The following SPOPL variants were observed in gnomAD, a reference collection of about 807,000 sequenced individuals.
SPOPL encodes the protein speckle-type POZ protein-like.
SPOPL carries 23 observed loss-of-function variants against 53.8 expected under a neutral mutation model. The ratio of observed to expected loss-of-function variants is 0.43; its 90% CI spans 0.31 to 0.61. The LOEUF is 0.61. Ranked by LOEUF, SPOPL falls within the 20% of genes least tolerant of loss-of-function variation. The pLI is 0.12. For missense variants in SPOPL, 442 were observed against 466.9 expected, an observed-to-expected ratio of 0.95 and a Z score of 0.49; for synonymous variants, 164 against 149.7, an observed-to-expected ratio of 1.10 and a Z score of -0.70.
intron 5 of SPOPL, among the ~76,000 whole-genome samples, chr2:138,553,161 T>C (rs1164822394): frequency 1.3e-5 from 2 of 152,060 alleles, no homozygotes. Flanking sequence ...TTCTAAGAAA[T>C]AGTTCTCAGA....
chr2:138,570,787 G>A lies in SPOPL; in HGVS notation c.*1707G>A, dbSNP rs76205156. On this transcript the variant is annotated 3_prime_UTR_variant, in exon 11 of 11. Coordinates refer to ENST00000280098, the MANE Select transcript of SPOPL (RefSeq NM_001001664.3). ...TGTTAGGTGTTAACTGAAGCAATTC[G>A]AATATGTCCAGATTCATTTGGATTC... The A allele has an allele frequency of 3.7e-3, 559 of 152,144 alleles. 3 individuals carry two copies. Among genetic ancestry groups the A allele is most frequent in the African/African-American group, 0.013 (522 of 41,498 alleles). 9.4% of individuals were successfully genotyped at this position (152,144 alleles called of 1,614,324 possible). A position where few individuals can be genotyped will look rare whatever the true frequency, so the allele number is the denominator to read the frequency against.
intron 5 of SPOPL, among the ~76,000 whole-genome samples, chr2:138,555,250 A>G (rs1011155842): frequency 6.6e-6 from 1 of 151,858 alleles, no homozygotes; most frequent in African/African-American, 2.4e-5. Flanking sequence ...CTCATAACCT[A>G]ATTACCTCTG....
At chr2:138,520,783 A>G (rs1229743539) in intron 1 of SPOPL, among the ~76,000 whole-genome samples, 1 of 152,230 alleles carries the variant, frequency 6.6e-6, no homozygotes, top group Non-Finnish European at 1.5e-5. Context: ...AGTCTGGCCC[A>G]TTGTAGTTTA....
intron 1 of SPOPL, among the ~76,000 whole-genome samples, chr2:138,507,061 G>A (rs961961052): frequency 2.0e-5 from 3 of 152,172 alleles, no homozygotes; most frequent in Admixed American, 6.5e-5. Flanking sequence ...GAATGCAACT[G>A]GGAAATTAAG....
At chr2:138,512,538 G>T (rs578146730) in intron 1 of SPOPL, among the ~76,000 whole-genome samples, 1 of 152,130 alleles carries the variant, frequency 6.6e-6, no homozygotes, top group Non-Finnish European at 1.5e-5. Flanking sequence ...GACAGTTTTT[G>T]TAATAGTTTT....
chr2:138,565,073 C>T, intron 10 of SPOPL, 80 bp downstream of exon 10: 1 of 1,523,224 alleles, frequency 6.6e-7, no homozygotes, highest in Non-Finnish European at 9.0e-7. Flanking sequence ...TGTTCATCTA[C>T]AATAAGTATG....
intron 1 of SPOPL, among the ~76,000 whole-genome samples, chr2:138,528,181 A>G (rs1165724649): frequency 2.6e-5 from 4 of 152,258 alleles, no homozygotes; most frequent in Admixed American, 2.6e-4. Flanking sequence ...GTGATGGTAA[A>G]AGCTACAACT....
intron 1 of SPOPL, among the ~76,000 whole-genome samples, chr2:138,530,914 G>T (rs1684791665): frequency 9.0e-6 from 1 of 110,712 alleles, no homozygotes; most frequent in South Asian, 3.7e-4. Context: ...AAACCTTACT[G>T]TAGAGTGAGT....
rs1482354006 is a variant in SPOPL, at chr2:138,547,000, C to T, written c.-60-3157C>T. On this transcript the variant is annotated intron_variant, in intron 1 of 10. Transcript: ENST00000280098. Reference sequence around the variant, plus strand: ...TTTATTTTTGAGATGGAGTCTCACTCTGTTGCCCAGGCTGGAGTGCAGTGG... The same window carrying T: ...TTTATTTTTGAGATGGAGTCTCACTTTGTTGCCCAGGCTGGAGTGCAGTGG... Among the ~76,000 whole-genome samples, 5 of 152,288 alleles carry T rather than the reference C, an allele frequency of 3.3e-5. No individual in the cohort carries two copies. In the East Asian group the frequency reaches 9.7e-4, roughly 29 times the overall value.
chr2:138,564,624 T>C, intron 8 of SPOPL, 84 bp from the exon 9 acceptor site: 5 of 1,470,194 alleles, frequency 3.4e-6, no homozygotes, highest in Admixed American at 2.1e-5. Context: ...TATTTTACCC[T>C]TATTTTCCAA....
chr2:138,563,196 A>G (rs766135651), intron 8 of SPOPL, among the ~76,000 whole-genome samples: 4 of 152,196 alleles, frequency 2.6e-5, no homozygotes, highest in Admixed American at 6.5e-5. Context: ...AAGATATTCT[A>G]GTCAAGCATG....
intron 5 of SPOPL, among the ~76,000 whole-genome samples, chr2:138,558,596 T>C (rs1685477210): frequency 6.6e-6 from 1 of 152,090 alleles, no homozygotes; most frequent in Non-Finnish European, 1.5e-5. Context: ...ATTTTGACTT[T>C]TAAACAAAAT....
chr2:138,535,098 T>C (rs1473444325), intron 1 of SPOPL, among the ~76,000 whole-genome samples: 2 of 152,136 alleles, frequency 1.3e-5, no homozygotes, highest in East Asian at 3.9e-4. Context: ...GAAATAAAAT[T>C]ACCCAGGTGT....
chr2:138,539,335 A>G (rs1234958468), intron 1 of SPOPL, among the ~76,000 whole-genome samples: 1 of 152,234 alleles, frequency 6.6e-6, no homozygotes, highest in African/African-American at 2.4e-5. Flanking sequence ...ACTGACTTCC[A>G]CAATGGTTGA....
chr2:138,522,298 A>T (rs949572539), intron 1 of SPOPL, among the ~76,000 whole-genome samples: 1 of 152,160 alleles, frequency 6.6e-6, no homozygotes, highest in Non-Finnish European at 1.5e-5. Flanking sequence ...ATTCAACCTG[A>T]TACAATTGAC....
At chr2:138,540,729 T>A (rs1685052623) in intron 1 of SPOPL, among the ~76,000 whole-genome samples, 1 of 152,194 alleles carries the variant, frequency 6.6e-6, no homozygotes, top group South Asian at 2.1e-4. Flanking sequence ...TTGGATACCC[T>A]TTATTTCCTT....
rs1685745724 is a variant in SPOPL at position 138,569,913 on chromosome 2, A to G, written c.*833A>G. 6.6e-6 allele frequency: 1 copy of G among 152,638 alleles called. No homozygotes were observed. The highest frequency in any genetic ancestry group is 6.5e-5 in the Admixed American group (1 of 15,268). 9.5% of individuals were successfully genotyped at this position (152,638 alleles called of 1,614,324 possible). ...AATGAGTGGGCCAATTAAGAAAGAT[A>G]CATATGCACTTTTACTGTGTAACTT... On this transcript the variant is annotated 3_prime_UTR_variant, in exon 11 of 11. Transcript: ENST00000280098.
intron 5 of SPOPL, among the ~76,000 whole-genome samples, chr2:138,556,713 C>T (rs1685432015): frequency 6.6e-6 from 1 of 152,114 alleles, no homozygotes; most frequent in Non-Finnish European, 1.5e-5. Context: ...CCTTTATTGG[C>T]AGATTTATTT....
intron 5 of SPOPL, chr2:138,554,387 A>G: frequency 1.9e-6 from 2 of 1,062,946 alleles, no homozygotes. Context: ...AACATTCTTC[A>G]TGCCCTCCAC....
Sources: allele counts gnomAD v4.1 joint callset (sites outside exome capture counted in the v4.1 genomes callset), GRCh38; gene constraint gnomAD v4.1.1; transcripts MANE v1.5; gene names NCBI Gene and HGNC (gene_info 2026-07-23, HGNC 2026-07-21).